The following TOGARAM2 variants were observed in gnomAD, a reference collection of about 807,000 sequenced individuals.
TOGARAM2 encodes TOG array regulator of axonemal microtubules protein 2.
In TOGARAM2, 85 loss-of-function variants were observed where a neutral mutation model predicts 93.3. The ratio of observed to expected loss-of-function variants is 0.91; its 90% CI spans 0.76 to 1.09. TOGARAM2 has a LOEUF of 1.09. TOGARAM2 is among the 50% of genes least tolerant of loss of function. TOGARAM2 has a pLI of 0.00. For synonymous variants in TOGARAM2, 593 were observed against 552.8 expected, an observed-to-expected ratio of 1.07 and a Z score of -1.02; for missense variants, 1,277 against 1,334.5, an observed-to-expected ratio of 0.96 and a Z score of 0.67.
Position 29,035,552 on chromosome 2 carries a change from C to A in TOGARAM2, c.2314C>A (p.Arg772=), listed in dbSNP as rs113612749. 6 of 1,585,010 alleles carry A rather than the reference C, an allele frequency of 3.8e-6. No individual in the cohort carries two copies. The highest frequency in any genetic ancestry group is 5.1e-6 in the Non-Finnish European group (6 of 1,165,728). ...EMVEQLRELT[R]LLEAKDFRSR... is the part of the protein sequence containing the mutation. Reference sequence around the variant, plus strand: ...GGTGGAGCAGCTACGGGAGCTGACACGGCTGCTGGAGGCCAAGGACTTCCG... The same window carrying A: ...GGTGGAGCAGCTACGGGAGCTGACAAGGCTGCTGGAGGCCAAGGACTTCCG... Residue 772 remains arginine, a synonymous_variant, in exon 17 of 20, where the codon CGG becomes AGG. Transcript: ENST00000379558.
intron 7 of TOGARAM2, among the ~76,000 whole-genome samples, chr2:29,012,303 T>G (rs1248017112): frequency 6.6e-6 from 1 of 152,152 alleles, no homozygotes; most frequent in Non-Finnish European, 1.5e-5. Context: ...ACTCTGCTAA[T>G]CAGCTCAGCT....
At chr2:29,029,816 G>A (rs1404079364) in intron 14 of TOGARAM2, among the ~76,000 whole-genome samples, 1 of 151,946 alleles carries the variant, frequency 6.6e-6, no homozygotes, top group Non-Finnish European at 1.5e-5. Flanking sequence ...GTGGCAAGGG[G>A]GTGAGGGATG....
intron 18 of TOGARAM2, among the ~76,000 whole-genome samples, chr2:29,040,621 T>G (rs1452125106): frequency 2.0e-5 from 3 of 152,214 alleles, no homozygotes; most frequent in African/African-American, 7.2e-5. Context: ...GCTCCCGACC[T>G]TCCCTTGGAA....
At chr2:28,973,053 T>G (rs1049583377) in intron 1 of TOGARAM2, among the ~76,000 whole-genome samples, 4 of 152,214 alleles carry the variant, frequency 2.6e-5, no homozygotes, top group Non-Finnish European at 4.4e-5. Flanking sequence ...CCTCTTTTTG[T>G]CTTCGCTGTT....
Position 29,051,993 on chromosome 2 carries a change from TAG to T in TOGARAM2, c.2962_2963del (p.Asp988LeufsTer12). 2 of 1,613,366 alleles carry T rather than the reference TAG, an allele frequency of 1.2e-6. No individual in the cohort carries two copies. The highest frequency in any genetic ancestry group is 1.7e-6 in the Non-Finnish European group (2 of 1,179,796). ...GTCCTCAAGACGCTCCAGGAACTCT[TAG>T]ACTCAGAGTCCTTGGGAGGCAGCCG... On this transcript the variant is annotated frameshift_variant, in exon 20 of 20. Coordinates refer to ENST00000379558, the MANE Select transcript of TOGARAM2 (RefSeq NM_199280.4). LOFTEE classifies it low-confidence loss of function (END_TRUNC).
At chr2:29,035,947 C>A (rs188941451) in intron 17 of TOGARAM2, among the ~76,000 whole-genome samples, 1 of 152,210 alleles carries the variant, frequency 6.6e-6, no homozygotes, top group African/African-American at 2.4e-5. Context: ...TTCTGGGGAG[C>A]TAGGTGCATC....
chr2:29,036,415 A>C (rs1666111267), intron 17 of TOGARAM2, 126 bp from the exon 18 acceptor site: 1 of 769,744 alleles, frequency 1.3e-6, no homozygotes, highest in Admixed American at 2.4e-5. Flanking sequence ...GGCATAGGTC[A>C]GGGACGCAGG....
At chr2:29,000,988 T>C (rs555803294) in intron 4 of TOGARAM2, among the ~76,000 whole-genome samples, 9 of 152,330 alleles carry the variant, frequency 5.9e-5, no homozygotes, top group African/African-American at 2.2e-4. Flanking sequence ...AAAAAAAGAA[T>C]GGAGTTGTTC....
At chr2:29,004,644 A>G (rs1332642684) in intron 6 of TOGARAM2, among the ~76,000 whole-genome samples, 2 of 64,982 alleles carry the variant, frequency 3.1e-5, no homozygotes, top group Non-Finnish European at 1.1e-4. Flanking sequence ...GTGTATGTGT[A>G]TGAGTGTGTA....
intron 6 of TOGARAM2, among the ~76,000 whole-genome samples, chr2:29,008,668 G>C (rs1298380544): frequency 1.3e-5 from 2 of 152,074 alleles, no homozygotes; most frequent in Non-Finnish European, 2.9e-5. Flanking sequence ...TGTTGCCCAG[G>C]CTTGTCCTGA....
rs530247487 is a variant in TOGARAM2, at chr2:29,008,563, T to C, written c.831-2892T>C. ...CCTCTGCCTCCCTGGTTCTAGTAAT[T>C]CTTCTGCCTCAGCCTCCCAAGTAGC... is the stretch of plus-strand genomic sequence containing the variant. On this transcript the variant is annotated intron_variant, in intron 6 of 19. Coordinates refer to ENST00000379558, the MANE Select transcript of TOGARAM2 (RefSeq NM_199280.4). Among the ~76,000 whole-genome samples, 3 of 152,344 alleles carry C rather than the reference T, an allele frequency of 2.0e-5. No individual in the cohort carries two copies. In the East Asian group the frequency reaches 5.8e-4, roughly 29 times the overall value.
chr2:28,994,781 C>G lies in TOGARAM2; in HGVS notation c.-54C>G. 1 of 1,548,904 alleles carries G rather than the reference C, an allele frequency of 6.5e-7. No homozygotes were observed. The highest frequency in any genetic ancestry group is 8.7e-7 in the Non-Finnish European group (1 of 1,144,580). Reference sequence around the variant, plus strand: ...ACCCCCAAGGACTGTACTCACTGCCCAGAAATAGCTGCTGCCTCTGGGCAA... The same window carrying G: ...ACCCCCAAGGACTGTACTCACTGCCGAGAAATAGCTGCTGCCTCTGGGCAA... On this transcript the variant is annotated 5_prime_UTR_variant, in exon 2 of 20. Coordinates refer to ENST00000379558, the MANE Select transcript of TOGARAM2 (RefSeq NM_199280.4).
rs773444963 is a variant in TOGARAM2 at position 29,011,616 on chromosome 2, C to T, written c.877+115C>T. On this transcript the variant is annotated intron_variant, in intron 7 of 19. Coordinates refer to ENST00000379558, the MANE Select transcript of TOGARAM2 (RefSeq NM_199280.4). Reference sequence around the variant, plus strand: ...ATCTGAGAGCTCTTGTGTCTGGGCCCTTCATTTCACAGCAGGAAGCTGAAG... The same window carrying T: ...ATCTGAGAGCTCTTGTGTCTGGGCCTTTCATTTCACAGCAGGAAGCTGAAG... 5.4e-5 allele frequency: 56 copies of T among 1,042,042 alleles called. No individual in the cohort carries two copies. In the Middle Eastern group the frequency reaches 1.9e-3, roughly 35 times the overall value. 64.5% of individuals were successfully genotyped at this position (1,042,042 alleles called of 1,614,324 possible). A position where few individuals can be genotyped will look rare whatever the true frequency, so the allele number is the denominator to read the frequency against.
At chr2:29,028,016 C>T (rs1339071797) in intron 14 of TOGARAM2, among the ~76,000 whole-genome samples, 1 of 152,140 alleles carries the variant, frequency 6.6e-6, no homozygotes, top group Non-Finnish European at 1.5e-5. Flanking sequence ...GGAGTGTTTT[C>T]TTAGTGGGAG....
At chr2:29,001,655 C>A (rs1313197354) in intron 4 of TOGARAM2, among the ~76,000 whole-genome samples, 1 of 152,124 alleles carries the variant, frequency 6.6e-6, no homozygotes, top group Non-Finnish European at 1.5e-5. Flanking sequence ...CATGTGCCAC[C>A]ACGCCCGGCT....
rs13409097 is a variant in TOGARAM2 at position 29,017,139 on chromosome 2, T to C, written c.1045-15T>C. ...GAATGGGAGGTTAATAGAGTTTGCC[T>C]TGACCTTGTGCCAGATCCAAGTCAC... On this transcript the variant is annotated splice_polypyrimidine_tract_variant and intron_variant, in intron 8 of 19. Coordinates refer to ENST00000379558, the MANE Select transcript of TOGARAM2 (RefSeq NM_199280.4). The C allele has an allele frequency of 0.51, 827,283 of 1,609,568 alleles. 219,804 individuals are homozygous for C. The highest frequency in any genetic ancestry group is 0.57 in the Admixed American group (33,686 of 59,098).
In TOGARAM2 at chr2:29,052,111, G is replaced by A. The variant is rs556419629; in HGVS notation, c.*18G>A. On this transcript the variant is annotated 3_prime_UTR_variant, in exon 20 of 20. Coordinates refer to ENST00000379558, the MANE Select transcript of TOGARAM2 (RefSeq NM_199280.4). ...TGGATTAAAGATGGATCTGAAATGGGCAATTATTATTTATCTTATTTTTTT... is the reference window on the plus strand; with the variant it reads ...TGGATTAAAGATGGATCTGAAATGGACAATTATTATTTATCTTATTTTTTT... The A allele has an allele frequency of 4.6e-6, 7 of 1,516,926 alleles. No homozygotes were observed. The highest frequency in any genetic ancestry group is 4.7e-5 in the East Asian group (2 of 43,006). 94.0% of individuals were successfully genotyped at this position (1,516,926 alleles called of 1,614,324 possible). A position where few individuals can be genotyped will look rare whatever the true frequency, so the allele number is the denominator to read the frequency against.
chr2:28,976,253 C>T (rs1264484146), intron 1 of TOGARAM2, among the ~76,000 whole-genome samples: 1 of 152,116 alleles, frequency 6.6e-6, no homozygotes, highest in Non-Finnish European at 1.5e-5. Context: ...TGCCTGTAGT[C>T]CCAGCTACTC....
intron 18 of TOGARAM2, among the ~76,000 whole-genome samples, chr2:29,041,154 A>C (rs1666413534): frequency 6.6e-6 from 1 of 151,674 alleles, no homozygotes; most frequent in African/African-American, 2.4e-5. Flanking sequence ...CCTCCCGAGT[A>C]GCTGGGATTA....
Sources: allele counts gnomAD v4.1 joint callset (sites outside exome capture counted in the v4.1 genomes callset), GRCh38; gene constraint gnomAD v4.1.1; transcripts MANE v1.5; gene names NCBI Gene and HGNC (gene_info 2026-07-23, HGNC 2026-07-21).